CNTN3: variants seen among roughly 807,000 people sequenced by gnomAD.
CNTN3 encodes the protein contactin 3.
A neutral mutation model predicts 119.1 loss-of-function variants in CNTN3; 60 were observed. That is an observed-to-expected ratio of 0.50 (90% CI 0.41 to 0.62). The LOEUF is 0.62. CNTN3 is among the 20% of genes least tolerant of loss of function. The pLI is 0.00. For synonymous variants in CNTN3, 450 were observed against 438.7 expected (o/e 1.03, Z -0.32); for missense variants, 1,101 against 1,242.4 (o/e 0.89, Z 1.71).
intron 5 of CNTN3, among the ~76,000 whole-genome samples, chr3:74,419,379 T>G (rs1701582017): frequency 7.6e-6 from 1 of 131,426 alleles, no homozygotes; most frequent in Non-Finnish European, 1.6e-5. Context: ...TGTTTTTCAG[T>G]CTATCCATCT....
At chr3:74,593,404 G>C (rs1704737262) in intron 1 of CNTN3, among the ~76,000 whole-genome samples, 1 of 151,830 alleles carries the variant, frequency 6.6e-6, no homozygotes, top group African/African-American at 2.4e-5. Context: ...AGACATAGAG[G>C]GTTGATAGAA....
At chr3:74,545,885 A>G (rs548581158) in intron 1 of CNTN3, among the ~76,000 whole-genome samples, 25 of 152,182 alleles carry the variant, frequency 1.6e-4, no homozygotes, top group Non-Finnish European at 3.5e-4. Context: ...CCCCAAAGGG[A>G]AATTTGAGAC....
rs142080236 is a variant in CNTN3, at chr3:74,334,854, C to T, written c.1549G>A (p.Val517Ile). 359 of 1,613,556 alleles carry T rather than the reference C, an allele frequency of 2.2e-4. No individual in the cohort carries two copies. In the African/African-American group the frequency reaches 2.7e-3, roughly 12 times the overall value. Residue 517 changes from valine (V) to isoleucine (I), a missense_variant, in exon 13 of 23, where the codon GTC becomes ATC. By Grantham distance (29) the Val-to-Ile change is conservative. Transcript: ENST00000263665. ...TGTTGTACCTGGCAGGGCAATATGA[C>T]GCTTTCACCAACAGAAACATCCATG... ...SNMDVSVGES[V>I]ILPCQVQHDP... is the part of the protein sequence containing the mutation.
intron 2 of CNTN3, among the ~76,000 whole-genome samples, chr3:74,509,387 T>C (rs1397807409): frequency 1.3e-5 from 2 of 149,072 alleles, no homozygotes; most frequent in Non-Finnish European, 3.0e-5. Context: ...AACCTCCACA[T>C]CCCGAGTTCA....
intron 1 of CNTN3, among the ~76,000 whole-genome samples, chr3:74,544,517 G>T (rs1312950474): frequency 6.6e-6 from 1 of 151,940 alleles, no homozygotes; most frequent in Non-Finnish European, 1.5e-5. Context: ...TCCCCACTTG[G>T]ACTAACTCAA....
intron 4 of CNTN3, among the ~76,000 whole-genome samples, chr3:74,446,767 C>G (rs1263126407): frequency 4.7e-5 from 7 of 147,398 alleles, no homozygotes; most frequent in African/African-American, 7.6e-5. Context: ...TTCTATTGGA[C>G]AGTGCTACCC....
intron 1 of CNTN3, among the ~76,000 whole-genome samples, chr3:74,551,160 C>A (rs1365180650): frequency 6.6e-6 from 1 of 152,206 alleles, no homozygotes; most frequent in Non-Finnish European, 1.5e-5. Flanking sequence ...GCTAACGTCA[C>A]TATCCAAGGG....
chr3:74,545,999 T>A (rs1703909240), intron 1 of CNTN3, among the ~76,000 whole-genome samples: 1 of 151,300 alleles, frequency 6.6e-6, no homozygotes, highest in Non-Finnish European at 1.5e-5. Context: ...TTTCCTTTCT[T>A]TTTTTTTTCT....
chr3:74,541,403 A>G (rs1290795217), intron 1 of CNTN3, among the ~76,000 whole-genome samples: 1 of 3,112 alleles, frequency 3.2e-4, no homozygotes, highest in Non-Finnish European at 0.025. Context: ...ACTACCACAT[A>G]GCAGAAAGAA....
At chr3:74,606,153 A>C (rs1704988573) in intron 1 of CNTN3, among the ~76,000 whole-genome samples, 1 of 152,124 alleles carries the variant, frequency 6.6e-6, no homozygotes, top group African/African-American at 2.4e-5. Context: ...ACCAAAAGCA[A>C]ACAGGAACAC....
At chr3:74,438,012 G>A (rs1466452631) in intron 4 of CNTN3, among the ~76,000 whole-genome samples, 1 of 152,136 alleles carries the variant, frequency 6.6e-6, no homozygotes, top group Non-Finnish European at 1.5e-5. Flanking sequence ...TGCCATAGAG[G>A]AGTTTTAACC....
chr3:74,317,794 G>T (rs371775164), intron 13 of CNTN3, among the ~76,000 whole-genome samples: 2 of 152,062 alleles, frequency 1.3e-5, no homozygotes, highest in Non-Finnish European at 2.9e-5. Context: ...TTCAACTTTG[G>T]TGACTCTGAC....
At chr3:74,334,178 A>G (rs1413187120) in intron 13 of CNTN3, among the ~76,000 whole-genome samples, 2 of 152,208 alleles carry the variant, frequency 1.3e-5, no homozygotes, top group African/African-American at 4.8e-5. Context: ...TGTTGTGGAA[A>G]CACACCGATC....
At chr3:74,580,965 C>G (rs535840775) in intron 1 of CNTN3, among the ~76,000 whole-genome samples, 1 of 152,296 alleles carries the variant, frequency 6.6e-6, no homozygotes, top group African/African-American at 2.4e-5. Context: ...GGAATCTGCC[C>G]ACCTCAACCT....
rs78252176 is a variant in CNTN3 at position 74,393,421 on chromosome 3, T to A, written c.455-22022A>T. Among the ~76,000 whole-genome samples, 860 of 152,370 alleles carry A rather than the reference T, an allele frequency of 5.6e-3. 11 individuals are homozygous for A. The highest frequency in any genetic ancestry group is 0.02 in the African/African-American group (812 of 41,594). ...AAATCTGTTCACACAATTCTAAAAC[T>A]TTTTAATTTCCTCCTCTTAAATTCA... On this transcript the variant is annotated intron_variant, in intron 5 of 22. Transcript: ENST00000263665.
chr3:74,486,181 T>C (rs560715466), intron 4 of CNTN3, among the ~76,000 whole-genome samples: 22 of 150,470 alleles, frequency 1.5e-4, no homozygotes, highest in African/African-American at 5.2e-4. Context: ...ACAGAATCCT[T>C]GTGAAATACT....
intron 1 of CNTN3, among the ~76,000 whole-genome samples, chr3:74,521,928 C>T (rs1226143689): frequency 2.0e-5 from 3 of 151,700 alleles, no homozygotes; most frequent in African/African-American, 7.3e-5. Context: ...TCTCTGGACT[C>T]CTACAATTCA....
chr3:74,411,535 C>T (rs1435836160), intron 5 of CNTN3, among the ~76,000 whole-genome samples: 2 of 152,098 alleles, frequency 1.3e-5, no homozygotes, highest in East Asian at 1.9e-4. Context: ...AAGAAAGATG[C>T]ATTCTTGTTT....
intron 4 of CNTN3, among the ~76,000 whole-genome samples, chr3:74,432,159 G>A (rs1037792593): frequency 6.6e-6 from 1 of 152,182 alleles, no homozygotes; most frequent in Middle Eastern, 3.4e-3. Flanking sequence ...AAAGAATCAG[G>A]TCGCTGCCAA....
Sources: allele counts gnomAD v4.1 joint callset (sites outside exome capture counted in the v4.1 genomes callset), GRCh38; gene constraint gnomAD v4.1.1; transcripts MANE v1.5; gene names NCBI Gene and HGNC (gene_info 2026-07-23, HGNC 2026-07-21).